Variants in BAZ2B observed in about 807,000 individuals in gnomAD.
The protein encoded by BAZ2B is bromodomain adjacent to zinc finger domain 2B.
A neutral mutation model predicts 246.0 loss-of-function variants in BAZ2B; 91 were observed. That is an observed-to-expected ratio of 0.37 (90% CI 0.31 to 0.44). The LOEUF (loss-of-function observed/expected upper bound fraction) is 0.44, where lower values mean the gene tolerates loss of function less well. Ranked by LOEUF, BAZ2B falls within the 20% of genes least tolerant of loss-of-function variation. BAZ2B has a pLI of 1.00. For synonymous variants in BAZ2B, 855 were observed against 860.0 expected, an observed-to-expected ratio of 0.99 and a Z score of 0.10; for missense variants, 2,332 against 2,533.7, an observed-to-expected ratio of 0.92 and a Z score of 1.71.
intron 5 of BAZ2B, 149 bp from the exon 6 acceptor site, chr2:159,447,124 T>C (rs2150376845): frequency 7.0e-6 from 4 of 574,746 alleles, no homozygotes; most frequent in East Asian, 6.5e-5. Context: ...TCCATCTACA[T>C]GAAATATTCA....
chr2:159,556,296 G>A (rs936492711), intron 1 of BAZ2B, among the ~76,000 whole-genome samples: 6 of 152,134 alleles, frequency 3.9e-5, no homozygotes, highest in African/African-American at 1.4e-4. Flanking sequence ...GAACCAAAAT[G>A]TCATCTACTT....
At chr2:159,434,850 T>C (rs1458220517) in intron 8 of BAZ2B, 1 of 152,082 alleles carries the variant, frequency 6.6e-6, no homozygotes, top group East Asian at 1.9e-4. Context: ...GAAAAGATTA[T>C]AAACTATTAA....
intron 14 of BAZ2B, among the ~76,000 whole-genome samples, chr2:159,411,422 T>C (rs1034861260): frequency 2.6e-5 from 4 of 152,216 alleles, no homozygotes; most frequent in Non-Finnish European, 4.4e-5. Context: ...GAATTAAGTC[T>C]TTTATACATT....
the BAZ2B span, among the ~76,000 whole-genome samples, chr2:159,653,744 T>C: frequency 1.6e-4 from 25 of 152,334 alleles, 1 homozygote; most frequent in South Asian, 5.2e-3. Flanking sequence ...TATATTAGTG[T>C]TCCTTCTAAT....
intron 13 of BAZ2B, among the ~76,000 whole-genome samples, chr2:159,421,453 G>A (rs2068731628): frequency 6.6e-6 from 1 of 152,028 alleles, no homozygotes; most frequent in Non-Finnish European, 1.5e-5. Flanking sequence ...GGGATTACAG[G>A]TATGAGCCAC....
intron 27 of BAZ2B, among the ~76,000 whole-genome samples, chr2:159,355,652 A>G (rs372144728): frequency 1.2e-4 from 18 of 152,094 alleles, no homozygotes; most frequent in Non-Finnish European, 8.8e-5. Context: ...TCTATAACCT[A>G]ACATATCCCA....
intron 2 of BAZ2B, among the ~76,000 whole-genome samples, chr2:159,533,182 A>G (rs1049091493): frequency 1.3e-5 from 2 of 152,184 alleles, no homozygotes; most frequent in Non-Finnish European, 2.9e-5. Flanking sequence ...AGCTAGAGAA[A>G]ACAGCAATCT....
chr2:159,700,318 A>G, the BAZ2B span, among the ~76,000 whole-genome samples: 3 of 152,250 alleles, frequency 2.0e-5, 1 homozygote, highest in South Asian at 6.2e-4. Flanking sequence ...CATATGATCT[A>G]CATAATCCTC....
At chr2:159,555,306 G>C (rs1036722406) in intron 2 of BAZ2B, 2 of 152,028 alleles carry the variant, frequency 1.3e-5, no homozygotes, top group African/African-American at 4.8e-5. Flanking sequence ...GGCCAGGCTA[G>C]TCTCGAACTC....
intron 13 of BAZ2B, among the ~76,000 whole-genome samples, chr2:159,415,322 G>A (rs1172735382): frequency 6.6e-6 from 1 of 151,698 alleles, no homozygotes; most frequent in Non-Finnish European, 1.5e-5. Context: ...GTGTGCACCT[G>A]TAGTCCCAGC....
intron 27 of BAZ2B, among the ~76,000 whole-genome samples, chr2:159,356,506 C>G (rs143273753): frequency 0.017 from 2,632 of 152,290 alleles, 33 homozygotes; most frequent in South Asian, 0.044. Context: ...GCTTATAGAT[C>G]AAACTCCCAT....
intron 1 of BAZ2B, among the ~76,000 whole-genome samples, chr2:159,558,305 G>A (rs996713467): frequency 4.6e-5 from 7 of 152,060 alleles, no homozygotes. Context: ...TGCCCAGGCT[G>A]GAGTGCAATG....
chr2:159,663,211 T>TA, the BAZ2B span, among the ~76,000 whole-genome samples: 1 of 145,966 alleles, frequency 6.9e-6, no homozygotes. Flanking sequence ...CTTTTTTTTC[T>TA]TTTTTTTTTT....
intron 2 of BAZ2B, among the ~76,000 whole-genome samples, chr2:159,549,712 G>A (rs963151344): frequency 6.6e-6 from 1 of 151,614 alleles, no homozygotes; most frequent in Non-Finnish European, 1.5e-5. Context: ...CAGGCCACAG[G>A]TTGGACAAGC....
chr2:159,606,784 TAATG>T (rs1170095385), intron 1 of BAZ2B, among the ~76,000 whole-genome samples: 1 of 152,194 alleles, frequency 6.6e-6, no homozygotes, highest in Non-Finnish European at 1.5e-5. Flanking sequence ...GATGTAGTAA[TAATG>T]AAGTTAGGAA....
At chr2:159,541,992 G>A (rs747768566) in intron 2 of BAZ2B, among the ~76,000 whole-genome samples, 23 of 152,056 alleles carry the variant, frequency 1.5e-4, no homozygotes, top group Non-Finnish European at 3.1e-4. Flanking sequence ...ATTTTAAAAA[G>A]GAACCAAATA....
chr2:159,695,504 T>C, the BAZ2B span: 1 of 152,140 alleles, frequency 6.6e-6, no homozygotes, highest in South Asian at 2.1e-4. Context: ...ACAAGTTGTA[T>C]AGTTTTAGTA....
the BAZ2B span, among the ~76,000 whole-genome samples, chr2:159,637,945 C>A: frequency 6.6e-6 from 1 of 152,172 alleles, no homozygotes; most frequent in African/African-American, 2.4e-5. Flanking sequence ...GAACTCGCCA[C>A]CCTGAAGGAA....
chr2:159,432,725 A>G (rs1226641915), intron 9 of BAZ2B, 32 bp downstream of exon 9: 1 of 1,591,954 alleles, frequency 6.3e-7, no homozygotes, highest in Non-Finnish European at 8.6e-7. Context: ...TAGCATTTAG[A>G]GAAATACTTT....
Sources: gnomAD v4.1 joint callset for allele counts (sites outside exome capture counted in the v4.1 genomes callset) on GRCh38, gnomAD v4.1.1 for gene constraint, MANE v1.5 for transcripts, NCBI Gene and HGNC (gene_info 2026-07-23, HGNC 2026-07-21) for gene names.